The following SMYD1 variants were observed in gnomAD, a reference collection of about 807,000 sequenced individuals.
SMYD1 encodes the protein histone-lysine N-methyltransferase SMYD1.
In SMYD1, 49 loss-of-function variants were observed where a neutral mutation model predicts 54.0. That is an observed-to-expected ratio of 0.91 (90% CI 0.72 to 1.15). SMYD1 has a LOEUF of 1.15. Ranked by LOEUF, SMYD1 falls within the 50% of genes most tolerant of loss-of-function variation. SMYD1 has a pLI of 0.00. For synonymous variants in SMYD1, 269 were observed against 234.2 expected (o/e 1.15, Z -1.36); for missense variants, 653 against 639.6 (o/e 1.02, Z -0.23).
intron 3 of SMYD1, among the ~76,000 whole-genome samples, chr2:88,088,573 T>A (rs936552051): frequency 1.4e-4 from 22 of 152,208 alleles, no homozygotes; most frequent in Admixed American, 5.2e-4. Flanking sequence ...TGAATTGGCA[T>A]CCCACATACA....
At chr2:88,105,372 CATATAT>C in intron 7 of SMYD1, among the ~76,000 whole-genome samples, 1 of 146,026 alleles carries the variant, frequency 6.8e-6, no homozygotes, top group African/African-American at 2.6e-5. Context: ...TATGCGCATG[CATATAT>C]ACACACACAC....
At chr2:88,098,511 T>C (rs1250964843) in intron 6 of SMYD1, among the ~76,000 whole-genome samples, 1 of 152,220 alleles carries the variant, frequency 6.6e-6, no homozygotes, top group Non-Finnish European at 1.5e-5. Context: ...TTATATCAAA[T>C]TGAGTTTCTC....
In SMYD1 at chr2:88,112,903, A is replaced by G. The variant is rs1459962313; in HGVS notation, c.*2391A>G. 1 of 152,244 alleles carries G rather than the reference A, an allele frequency of 6.6e-6. No homozygotes were observed. The highest frequency in any genetic ancestry group is 1.9e-4 in the East Asian group (1 of 5,174). 9.4% of individuals were successfully genotyped at this position (152,244 alleles called of 1,614,324 possible). ...TTGATTCATTCTCATGTCATTCTGCACACAGTCTCTGCATGAACTCAGGCA... is the reference window on the plus strand; with the variant it reads ...TTGATTCATTCTCATGTCATTCTGCGCACAGTCTCTGCATGAACTCAGGCA... On this transcript the variant is annotated 3_prime_UTR_variant, in exon 10 of 10. Coordinates refer to ENST00000419482, the MANE Select transcript of SMYD1 (RefSeq NM_198274.4).
chr2:88,068,109 T>C (rs1013498514), intron 1 of SMYD1, 108 bp downstream of exon 1: 3 of 1,427,304 alleles, frequency 2.1e-6, no homozygotes, highest in Non-Finnish European at 2.8e-6. Context: ...ATTCATGTGC[T>C]CTTTTTTCAA....
At chr2:88,081,711 C>T (rs898114331) in intron 1 of SMYD1, among the ~76,000 whole-genome samples, 2 of 152,156 alleles carry the variant, frequency 1.3e-5, no homozygotes, top group Non-Finnish European at 2.9e-5. Flanking sequence ...GCTGGGATTA[C>T]AGGTGTGAGC....
At chr2:88,071,234 G>A (rs1303638603) in intron 1 of SMYD1, among the ~76,000 whole-genome samples, 1 of 152,186 alleles carries the variant, frequency 6.6e-6, no homozygotes, top group Non-Finnish European at 1.5e-5. Flanking sequence ...TTGGAAAGCA[G>A]ATACATGAGG....
intron 3 of SMYD1, among the ~76,000 whole-genome samples, chr2:88,089,766 T>C (rs1674422798): frequency 6.6e-6 from 1 of 152,068 alleles, no homozygotes; most frequent in East Asian, 1.9e-4. Context: ...TTTGCTTTTT[T>C]TTTTTTATAG....
At chr2:88,077,722 C>CTTTT (rs1168525311) in intron 1 of SMYD1, among the ~76,000 whole-genome samples, 2 of 126,236 alleles carry the variant, frequency 1.6e-5, no homozygotes, top group South Asian at 2.6e-4. Context: ...GTGGGCATTT[C>CTTTT]TTTTTTTTTT....
At chr2:88,108,576 C>T (rs1294762688) in intron 9 of SMYD1, 37 bp downstream of exon 9, 1 of 1,523,362 alleles carries the variant, frequency 6.6e-7, no homozygotes, top group Non-Finnish European at 8.8e-7. Flanking sequence ...CCCTTCCTGG[C>T]CTGAGCTTTC....
intron 7 of SMYD1, among the ~76,000 whole-genome samples, chr2:88,105,440 A>T (rs1674840043): frequency 1.3e-5 from 2 of 152,166 alleles, no homozygotes; most frequent in Admixed American, 6.6e-5. Context: ...ACTGCCACAG[A>T]TACTAAAATC....
intron 1 of SMYD1, among the ~76,000 whole-genome samples, chr2:88,073,936 T>C (rs1674002560): frequency 6.6e-6 from 1 of 152,196 alleles, no homozygotes; most frequent in Admixed American, 6.5e-5. Flanking sequence ...TATTACTCCT[T>C]TATGTCTAGT....
At position 88,112,694 on chromosome 2, in the gene SMYD1, T is replaced by C. The variant is rs985573806; in HGVS notation, c.*2182T>C. On this transcript the variant is annotated 3_prime_UTR_variant, in exon 10 of 10. Coordinates refer to ENST00000419482, the MANE Select transcript of SMYD1 (RefSeq NM_198274.4). ...AAAGGGCTCTTACCAAGATCAAATC[T>C]AATGGGTACATTTTAGTTCCTATGT... 6 of 154,324 alleles carry C rather than the reference T, an allele frequency of 3.9e-5. No individual in the cohort carries two copies. The highest frequency in any genetic ancestry group is 1.4e-4 in the African/African-American group (6 of 41,474). 9.6% of individuals were successfully genotyped at this position (154,324 alleles called of 1,614,324 possible). A position where few individuals can be genotyped will look rare whatever the true frequency, so the allele number is the denominator to read the frequency against.
chr2:88,110,444 C>G lies in SMYD1; in HGVS notation c.1405C>G (p.Gln469Glu), dbSNP rs754120017. ...YKMREAALNN[Q>E]PMQVMAEPSN... ...GATGCGCGAGGCTGCCCTGAACAAC[C>G]AGCCCATGCAGGTCATGGCCGAGCC... is the stretch of plus-strand genomic sequence containing the variant. Residue 469 changes from glutamine to glutamate, a missense_variant, in exon 10 of 10, where the codon CAG (glutamine) becomes GAG (glutamate). Gln to Glu is a conservative substitution (Grantham distance 29). Transcript: ENST00000419482. 6.2e-7 allele frequency: 1 copy of G among 1,608,044 alleles called. No individual in the cohort carries two copies. Among genetic ancestry groups the G allele is most frequent in the Non-Finnish European group, 8.5e-7 (1 of 1,177,134 alleles).
chr2:88,105,378 T>TACACAC (rs397747635), intron 7 of SMYD1, among the ~76,000 whole-genome samples: 113 of 150,884 alleles, frequency 7.5e-4, no homozygotes, highest in African/African-American at 2.7e-3. Flanking sequence ...CATGCATATA[T>TACACAC]ACACACACAC....
Position 88,106,343 on chromosome 2 carries a change from G to C in SMYD1, c.1000G>C (p.Glu334Gln). ...LYHEVVKLCR[E>Q]CLEKQEPVFA... ...ACTCTAGGTTGTGAAATTATGCCGG[G>C]AGTGCCTGGAGAAGCAGGAGCCAGT... The change falls in exon 8 of 10, where the codon GAG becomes CAG. Residue 334 changes from glutamate (E) to glutamine (Q), a missense_variant. Coordinates refer to ENST00000419482, the MANE Select transcript of SMYD1 (RefSeq NM_198274.4). 1 of 1,614,146 alleles carries C rather than the reference G, an allele frequency of 6.2e-7. No homozygotes were observed. The highest frequency in any genetic ancestry group is 1.1e-5 in the South Asian group (1 of 91,076).
In SMYD1 at chr2:88,111,998, C is replaced by T; in HGVS notation, c.*1486C>T. 1 of 699,904 alleles carries T rather than the reference C, an allele frequency of 1.4e-6. No homozygotes were observed. The highest frequency in any genetic ancestry group is 2.7e-5 in the East Asian group (1 of 37,206). 43.4% of individuals were successfully genotyped at this position (699,904 alleles called of 1,614,324 possible). A position where few individuals can be genotyped will look rare whatever the true frequency, so the allele number is the denominator to read the frequency against. On this transcript the variant is annotated 3_prime_UTR_variant, in exon 10 of 10. Coordinates refer to ENST00000419482, the MANE Select transcript of SMYD1 (RefSeq NM_198274.4). Reference sequence around the variant, plus strand: ...CCACATGATGACCTGCTGTGTCCCTCTGAGCACTACCCAGTGGCTGAAAAC... The same window carrying T: ...CCACATGATGACCTGCTGTGTCCCTTTGAGCACTACCCAGTGGCTGAAAAC...
intron 1 of SMYD1, among the ~76,000 whole-genome samples, 196 bp from the exon 2 acceptor site, chr2:88,084,120 A>T (rs1320155723): frequency 6.6e-6 from 1 of 152,220 alleles, no homozygotes. Context: ...CAAAAAAAAA[A>T]AATTGCTAAA....
rs1674033641 is a variant in SMYD1 at position 88,075,315 on chromosome 2, T to C, written c.137+7314T>C. ...TAGATCAAATGGCAGGTTGTCCCCATAATGATGCTATCTTTACCCACTCGC... is the reference window on the plus strand; with the variant it reads ...TAGATCAAATGGCAGGTTGTCCCCACAATGATGCTATCTTTACCCACTCGC... On this transcript the variant is annotated intron_variant, in intron 1 of 9. Coordinates refer to ENST00000419482, the MANE Select transcript of SMYD1 (RefSeq NM_198274.4). 2.6e-5 allele frequency among the ~76,000 whole-genome samples: 4 copies of C among 152,280 alleles called. 1 individual carries two copies. The South Asian group carries it at 8.3e-4, about 32-fold the overall frequency.
intron 1 of SMYD1, among the ~76,000 whole-genome samples, chr2:88,078,975 A>C (rs1471493246): frequency 6.6e-6 from 1 of 152,280 alleles, no homozygotes; most frequent in Non-Finnish European, 1.5e-5. Context: ...GATATAAAAC[A>C]GATCTGTGAT....
Sources: allele counts gnomAD v4.1 joint callset (sites outside exome capture counted in the v4.1 genomes callset), GRCh38; gene constraint gnomAD v4.1.1; transcripts MANE v1.5; gene names NCBI Gene and HGNC (gene_info 2026-07-23, HGNC 2026-07-21).